The following ABHD18 variants were observed in gnomAD, a reference collection of about 807,000 sequenced individuals.
ABHD18 encodes abhydrolase domain containing 18.
ABHD18 carries 55 observed loss-of-function variants against 65.9 expected under a neutral mutation model. That is an observed-to-expected ratio of 0.84 (90% confidence interval 0.67 to 1.05). The LOEUF is 1.05. ABHD18 is among the 50% of genes least tolerant of loss of function. The pLI is 0.00. For synonymous variants in ABHD18, 181 were observed against 180.2 expected, an observed-to-expected ratio of 1.00 and a Z score of -0.04; for missense variants, 533 against 558.5, an observed-to-expected ratio of 0.95 and a Z score of 0.46.
intron 1 of ABHD18, among the ~76,000 whole-genome samples, chr4:127,969,398 T>C (rs904424161): frequency 6.6e-6 from 1 of 151,702 alleles, no homozygotes; most frequent in African/African-American, 2.4e-5. Context: ...ACGGGGTTTC[T>C]CCATGGGTCA....
intron 12 of ABHD18, among the ~76,000 whole-genome samples, chr4:128,032,560 C>T (rs981436738): frequency 1.3e-5 from 2 of 152,020 alleles, no homozygotes; most frequent in Non-Finnish European, 2.9e-5. Flanking sequence ...TGGGCACGCA[C>T]CTATAGTCCC....
chr4:128,005,241 A>G (rs1219191187), intron 4 of ABHD18, among the ~76,000 whole-genome samples: 1 of 152,208 alleles, frequency 6.6e-6, no homozygotes, highest in East Asian at 1.9e-4. Flanking sequence ...AAAAAATTGT[A>G]CATATCCAAA....
chr4:127,968,523 G>A (rs1312717331), intron 1 of ABHD18, among the ~76,000 whole-genome samples: 1 of 152,104 alleles, frequency 6.6e-6, no homozygotes, highest in Non-Finnish European at 1.5e-5. Flanking sequence ...GAAAAAATTA[G>A]TATTGCATTG....
intron 1 of ABHD18, among the ~76,000 whole-genome samples, chr4:127,971,915 A>G (rs1746897432): frequency 1.3e-5 from 2 of 152,122 alleles, no homozygotes; most frequent in African/African-American, 4.8e-5. Flanking sequence ...CCTAGAATTA[A>G]TGCAGACCCC....
chr4:128,011,848 T>G, intron 7 of ABHD18, 148 bp downstream of exon 7: 8 of 459,570 alleles, frequency 1.7e-5, no homozygotes, highest in Non-Finnish European at 1.5e-5. Flanking sequence ...GTAGTATGAA[T>G]ACTGACTTTA....
chr4:128,013,352 T>C (rs188283806), intron 7 of ABHD18, among the ~76,000 whole-genome samples: 3 of 152,212 alleles, frequency 2.0e-5, no homozygotes, highest in Admixed American at 6.5e-5. Flanking sequence ...GTTCAAGATA[T>C]AGTTAAGTTT....
At chr4:128,018,650 T>C (rs370814155) in intron 8 of ABHD18, among the ~76,000 whole-genome samples, 9 of 152,068 alleles carry the variant, frequency 5.9e-5, no homozygotes, top group African/African-American at 2.2e-4. Flanking sequence ...TATCTCAAAG[T>C]AATAATTATT....
chr4:128,001,836 G>GTTTTTTTTTTTTTTTTT (rs1015770046), intron 4 of ABHD18: 1 of 1,300,888 alleles, frequency 7.7e-7, no homozygotes. Context: ...GTTGAGTTTT[G>GTTTTTTTTTTTTTTTTT]TTTTGTTTTG....
intron 8 of ABHD18, among the ~76,000 whole-genome samples, 176 bp downstream of exon 8, chr4:128,017,677 C>T (rs947707494): frequency 5.9e-5 from 9 of 152,038 alleles, no homozygotes; most frequent in East Asian, 1.9e-4. Context: ...ATTTTTTGTA[C>T]GATTTATTGA....
chr4:128,007,371 GA>G (rs1753774974), intron 4 of ABHD18, among the ~76,000 whole-genome samples: 1 of 143,406 alleles, frequency 7.0e-6, no homozygotes, highest in South Asian at 2.3e-4. Flanking sequence ...TATTCCACCA[GA>G]GTAAAACAAA....
At chr4:128,017,945 G>A (rs1217100544) in intron 8 of ABHD18, among the ~76,000 whole-genome samples, 1 of 151,998 alleles carries the variant, frequency 6.6e-6, no homozygotes, top group Non-Finnish European at 1.5e-5. Flanking sequence ...ATTAATCTTT[G>A]TCTTAACCAT....
chr4:128,020,150 C>A lies in ABHD18; in HGVS notation c.680C>A (p.Ala227Glu). The A allele has an allele frequency of 6.2e-7, 1 of 1,612,838 alleles. No homozygotes were observed. Among genetic ancestry groups the A allele is most frequent in the Non-Finnish European group, 8.5e-7 (1 of 1,179,042 alleles). The change falls in exon 9 of 13, where the codon GCA (alanine) becomes GAA (glutamate). Residue 227 changes from alanine to glutamate, a missense_variant. Physicochemically the swap from Ala to Glu is moderately radical, Grantham distance 107. Coordinates refer to ENST00000645843, the MANE Select transcript of ABHD18 (RefSeq NM_001358451.3). ...PLIPCLSWST[A>E]SGVFTTGVLS... The stretch of plus-strand genomic sequence containing the variant: ...ATTCCATGCCTGTCTTGGTCCACAG[C>A]ATCTGGGGTCTTCACTACGGTAATT...
Position 127,974,188 on chromosome 4 carries a change from G to GT in ABHD18, c.-18+8609dup, listed in dbSNP as rs34967150. Among the ~76,000 whole-genome samples, 808 of 101,494 alleles carry GT rather than the reference G, an allele frequency of 8.0e-3. 52 individuals carry two copies. The highest frequency in any genetic ancestry group is 0.017 in the East Asian group (57 of 3,366). 66.6% of individuals were successfully genotyped at this position (101,494 alleles called of 152,430 possible). The stretch of plus-strand genomic sequence containing the variant: ...GAAGAGAATATTAACCTTAAGTTCT[G>GT]TTTTTTTTTTTTTTTTTTTTTTTTT... On this transcript the variant is annotated intron_variant, in intron 1 of 12. Coordinates refer to ENST00000645843, the MANE Select transcript of ABHD18 (RefSeq NM_001358451.3).
chr4:127,982,663 C>A (rs373283007), intron 1 of ABHD18, among the ~76,000 whole-genome samples: 44 of 152,070 alleles, frequency 2.9e-4, no homozygotes, highest in African/African-American at 9.2e-4. Context: ...CTATTTTTAT[C>A]CAGCAAATAG....
chr4:128,027,693 C>T (rs954986363), intron 10 of ABHD18, among the ~76,000 whole-genome samples: 6 of 152,066 alleles, frequency 3.9e-5, no homozygotes, highest in Admixed American at 1.3e-4. Context: ...CGTGAGCCAC[C>T]GCGCCTGGCC....
intron 6 of ABHD18, among the ~76,000 whole-genome samples, 197 bp downstream of exon 6, chr4:128,009,388 C>T (rs1017445952): frequency 6.6e-5 from 10 of 152,068 alleles, no homozygotes; most frequent in Non-Finnish European, 1.2e-4. Flanking sequence ...AAGGATTGTA[C>T]TTCTATTGTG....
intron 1 of ABHD18, among the ~76,000 whole-genome samples, chr4:127,966,718 A>C (rs964743999): frequency 2.2e-5 from 3 of 135,434 alleles, no homozygotes; most frequent in African/African-American, 9.1e-5. Flanking sequence ...AAAAAAAAAA[A>C]AAAAAAAAAA....
chr4:128,031,597 C>T (rs1356057341), intron 12 of ABHD18, among the ~76,000 whole-genome samples: 3 of 152,112 alleles, frequency 2.0e-5, no homozygotes, highest in Non-Finnish European at 2.9e-5. Flanking sequence ...GTGCCCTGTA[C>T]ATAAGTGTTA....
Position 128,020,120 on chromosome 4 carries a change from C to T in ABHD18, c.650C>T (p.Pro217Leu). ...LAVSNWPKPMPLIPCLSWSTA... is the reference protein window; with the variant it reads ...LAVSNWPKPMLLIPCLSWSTA... ...GTATCCAACTGGCCTAAGCCCATGC[C>T]ATTGATTCCATGCCTGTCTTGGTCC... The change falls in exon 9 of 13, where the codon CCA (proline) becomes CTA (leucine). Residue 217 changes from proline (P) to leucine (L), a missense_variant. Coordinates refer to ENST00000645843, the MANE Select transcript of ABHD18 (RefSeq NM_001358451.3). 1.2e-6 allele frequency: 2 copies of T among 1,613,664 alleles called. No homozygotes were observed. Among genetic ancestry groups the T allele is most frequent in the Non-Finnish European group, 1.7e-6 (2 of 1,179,740 alleles).
Sources: gnomAD v4.1 joint callset for allele counts (sites outside exome capture counted in the v4.1 genomes callset) on GRCh38, gnomAD v4.1.1 for gene constraint, MANE v1.5 for transcripts, NCBI Gene and HGNC (gene_info 2026-07-23, HGNC 2026-07-21) for gene names.